EXT2: variants seen among roughly 807,000 people sequenced by gnomAD.
EXT2 encodes the protein exostosin glycosyltransferase 2.
In EXT2, 53 loss-of-function variants were observed where a neutral mutation model predicts 81.6. The observed-to-expected ratio is 0.65, with a 90% CI of 0.52 to 0.82. The LOEUF (loss-of-function observed/expected upper bound fraction) is 0.82. Among genes scored for constraint, EXT2 ranks in the 40% least tolerant of loss-of-function variants. EXT2 has a pLI of 0.00. For missense variants in EXT2, 774 were observed against 910.2 expected (o/e 0.85, Z 1.93); for synonymous variants, 320 against 340.0 (o/e 0.94, Z 0.65).
chr11:44,169,706 A>T (rs1046520621), intron 7 of EXT2, among the ~76,000 whole-genome samples: 1 of 152,152 alleles, frequency 6.6e-6, no homozygotes, highest in African/African-American at 2.4e-5. Flanking sequence ...TTGGGAGCAG[A>T]AGTATTTCAG....
intron 7 of EXT2, among the ~76,000 whole-genome samples, chr11:44,165,100 G>A (rs1412421065): frequency 6.6e-6 from 1 of 151,872 alleles, no homozygotes; most frequent in East Asian, 1.9e-4. Context: ...GGATGGTCTC[G>A]ATCTCCTGAC....
intron 1 of EXT2, among the ~76,000 whole-genome samples, chr11:44,105,097 A>G (rs1954036318): frequency 6.6e-6 from 1 of 152,150 alleles, no homozygotes; most frequent in Non-Finnish European, 1.5e-5. Flanking sequence ...GCAACATTCA[A>G]GCTTGGCAAT....
Position 44,248,706 on chromosome 11 carries a change from C to T in EXT2, c.*4419C>T, listed in dbSNP as rs941551710. 1.3e-5 allele frequency among the ~76,000 whole-genome samples: 2 copies of T among 152,128 alleles called. No individual in the cohort carries two copies. Among genetic ancestry groups the T allele is most frequent in the African/African-American group, 4.8e-5 (2 of 41,412 alleles). On this transcript the variant is annotated 3_prime_UTR_variant, in exon 14 of 14. Coordinates refer to ENST00000533608, the MANE Select transcript of EXT2 (RefSeq NM_207122.2). ...TAAGCTCAAGCCACAGCCTCTTTTC[C>T]ACCTCCATTAAATGGACTGTTAGGG...
At chr11:44,147,295 T>C (rs1017434486) in intron 7 of EXT2, among the ~76,000 whole-genome samples, 1 of 152,236 alleles carries the variant, frequency 6.6e-6, no homozygotes, top group Non-Finnish European at 1.5e-5. Context: ...GTCATGGCCT[T>C]CCCTACCTCA....
In EXT2 at chr11:44,236,180, C is replaced by G. The variant is rs186283269; in HGVS notation, c.1936-113C>G. 11 of 884,708 alleles carry G rather than the reference C, an allele frequency of 1.2e-5. No homozygotes were observed. The Admixed American group carries it at 1.4e-4, about 12-fold the overall frequency. 54.8% of individuals were successfully genotyped at this position (884,708 alleles called of 1,614,324 possible). The stretch of plus-strand genomic sequence containing the variant: ...CGAGGTGTGTGTGTGTGTGTGTGCA[C>G]GCGCATGCAACATCTCAGCTTACAA... On this transcript the variant is annotated intron_variant, in intron 12 of 13. Transcript: ENST00000533608.
chr11:44,129,431 G>A (rs11037880), intron 6 of EXT2, among the ~76,000 whole-genome samples: 40,135 of 152,014 alleles, frequency 0.26, 6,218 homozygotes, highest in Admixed American at 0.43. Flanking sequence ...AGCCACAATA[G>A]CCTCCTTGCT....
intron 10 of EXT2, among the ~76,000 whole-genome samples, chr11:44,225,652 T>C (rs530134527): frequency 6.6e-5 from 10 of 152,326 alleles, no homozygotes; most frequent in Admixed American, 2.0e-4. Flanking sequence ...GGGGCTGAGC[T>C]TGGGGACAAT....
At chr11:44,188,664 G>A (rs1046867413) in intron 8 of EXT2, among the ~76,000 whole-genome samples, 1 of 152,160 alleles carries the variant, frequency 6.6e-6, no homozygotes, top group African/African-American at 2.4e-5. Flanking sequence ...GCAATATTGT[G>A]AGCGAGAACT....
At chr11:44,159,762 G>A (rs1954904901) in intron 7 of EXT2, among the ~76,000 whole-genome samples, 1 of 152,172 alleles carries the variant, frequency 6.6e-6, no homozygotes, top group Admixed American at 6.5e-5. Flanking sequence ...TGGTATGGTG[G>A]TATTGTGTGG....
intron 4 of EXT2, among the ~76,000 whole-genome samples, chr11:44,120,474 A>G (rs910616247): frequency 6.6e-6 from 1 of 152,182 alleles, no homozygotes; most frequent in Non-Finnish European, 1.5e-5. Context: ...ACTTTTATAT[A>G]AGAACATCTC....
At chr11:44,238,819 G>A (rs920827140) in intron 13 of EXT2, among the ~76,000 whole-genome samples, 3 of 152,210 alleles carry the variant, frequency 2.0e-5, no homozygotes, top group Non-Finnish European at 4.4e-5. Context: ...TGATCAGCAA[G>A]TTCAACAAGA....
intron 8 of EXT2, among the ~76,000 whole-genome samples, chr11:44,180,428 T>C (rs1955219557): frequency 6.6e-6 from 1 of 152,240 alleles, no homozygotes; most frequent in African/African-American, 2.4e-5. Context: ...CTTTCTATTT[T>C]CCAGAGAGCT....
In EXT2 at chr11:44,174,657, C is replaced by T. The variant is rs564546872; in HGVS notation, c.1305+2915C>T. 2.0e-5 allele frequency among the ~76,000 whole-genome samples: 3 copies of T among 152,018 alleles called. No homozygotes were observed. In the South Asian group the frequency reaches 6.3e-4, roughly 32 times the overall value. On this transcript the variant is annotated intron_variant, in intron 8 of 13. Transcript: ENST00000533608. ...TGATTCTCTTATATTTTTAGATATA[C>T]AATTATATCTACAAATGCTAATTTT...
intron 6 of EXT2, among the ~76,000 whole-genome samples, chr11:44,127,895 C>T (rs1169925353): frequency 6.6e-6 from 1 of 152,194 alleles, no homozygotes; most frequent in East Asian, 1.9e-4. Context: ...GGACCCAGTT[C>T]CATTCTACTG....
chr11:44,153,269 G>T (rs916580473), intron 7 of EXT2, among the ~76,000 whole-genome samples: 1 of 152,062 alleles, frequency 6.6e-6, no homozygotes, highest in East Asian at 1.9e-4. Context: ...ATTGTTTTCA[G>T]TGCTAATGTA....
chr11:44,106,634 AT>A (rs961901306), intron 1 of EXT2, among the ~76,000 whole-genome samples: 184 of 148,324 alleles, frequency 1.2e-3, no homozygotes, highest in Admixed American at 1.0e-3. Flanking sequence ...ACGAAAACAG[AT>A]TTTTTTTTTT....
chr11:44,141,341 G>T (rs562936135), intron 7 of EXT2, among the ~76,000 whole-genome samples: 3 of 152,088 alleles, frequency 2.0e-5, no homozygotes, highest in Admixed American at 1.3e-4. Context: ...TCTGTGATTG[G>T]TTGAATCCAT....
At chr11:44,176,015 T>C (rs1955153107) in intron 8 of EXT2, among the ~76,000 whole-genome samples, 1 of 152,234 alleles carries the variant, frequency 6.6e-6, no homozygotes, top group South Asian at 2.1e-4. Flanking sequence ...TACGTGCAGA[T>C]TATCTTGAAT....
chr11:44,224,887 G>A (rs577238422), intron 10 of EXT2, among the ~76,000 whole-genome samples: 1 of 152,230 alleles, frequency 6.6e-6, no homozygotes, highest in African/African-American at 2.4e-5. Context: ...AAATTTTGAA[G>A]GCCCAATAAT....
Sources: allele counts gnomAD v4.1 joint callset (sites outside exome capture counted in the v4.1 genomes callset), GRCh38; gene constraint gnomAD v4.1.1; transcripts MANE v1.5; gene names NCBI Gene and HGNC (gene_info 2026-07-23, HGNC 2026-07-21).